The following AHRR variants were observed in gnomAD, a reference collection of about 807,000 sequenced individuals.
AHRR encodes the protein aryl hydrocarbon receptor repressor.
In AHRR, 28 loss-of-function variants were observed where a neutral mutation model predicts 44.0. That is an observed-to-expected ratio of 0.64 (90% CI 0.47 to 0.87). The LOEUF (loss-of-function observed/expected upper bound fraction) is 0.87. AHRR is among the 40% of genes least tolerant of loss of function. The pLI is 0.00. For missense variants in AHRR, 990 were observed against 953.9 expected, an observed-to-expected ratio of 1.04 and a Z score of -0.50; for synonymous variants, 434 against 407.0, an observed-to-expected ratio of 1.07 and a Z score of -0.80.
rs1277504931 is a variant in AHRR at position 398,442 on chromosome 5, T to C, written c.352-14902T>C. 5.9e-5 allele frequency among the ~76,000 whole-genome samples: 9 copies of C among 152,322 alleles called. No individual in the cohort carries two copies. The East Asian group carries it at 1.7e-3, about 29-fold the overall frequency. On this transcript the variant is annotated intron_variant, in intron 4 of 10. Transcript: ENST00000684583. ...CTGACCATCCACATAAGCCCCTGAC[T>C]GTCCAGTTAGCCTCTGACCATCTGT...
chr5:431,216 C>T (rs987306368), intron 8 of AHRR, among the ~76,000 whole-genome samples: 7 of 152,044 alleles, frequency 4.6e-5, no homozygotes, highest in Non-Finnish European at 8.8e-5. Flanking sequence ...GGTGTGGGAT[C>T]ACAAGCTCAG....
In AHRR at chr5:434,096, G is replaced by A. The variant is rs761772288; in HGVS notation, c.1356G>A (p.Pro452=). The A allele has an allele frequency of 3.4e-5, 55 of 1,612,836 alleles. No homozygotes were observed. The highest frequency in any genetic ancestry group is 1.8e-4 in the Admixed American group (11 of 59,908). Residue 452 remains proline, a synonymous_variant, in exon 11 of 11, where the codon CCG becomes CCA. Transcript: ENST00000684583. ...GTFRNSPISH[P]PSPSPSAYSS... is the part of the protein sequence containing the mutation. ...TCAGGAACTCGCCCATCTCTCACCC[G>A]CCGAGCCCGTCCCCCAGTGCCTACT...
At chr5:350,893 C>T (rs2672718) in intron 2 of AHRR, among the ~76,000 whole-genome samples, 106,627 of 151,848 alleles carry the variant, frequency 0.7, 38,004 homozygotes, top group African/African-American at 0.76. Flanking sequence ...AAAGAATCCT[C>T]ACAACTCAAA....
intron 4 of AHRR, among the ~76,000 whole-genome samples, chr5:394,951 C>G (rs1175630360): frequency 6.6e-6 from 1 of 152,240 alleles, no homozygotes; most frequent in East Asian, 1.9e-4. Flanking sequence ...GTGTCAAGCT[C>G]TTGCGTCTCC....
chr5:327,905 G>C (rs1255994708), intron 1 of AHRR, among the ~76,000 whole-genome samples: 1 of 152,042 alleles, frequency 6.6e-6, no homozygotes, highest in East Asian at 1.9e-4. Flanking sequence ...TTTAGCATTA[G>C]GTATATCTCC....
chr5:331,850 C>T (rs1253729922), intron 1 of AHRR, among the ~76,000 whole-genome samples: 1 of 152,186 alleles, frequency 6.6e-6, no homozygotes, highest in Non-Finnish European at 1.5e-5. Context: ...TGAGATGGAA[C>T]AGTTTCATCC....
At chr5:335,333 T>C (rs1742081949) in intron 1 of AHRR, among the ~76,000 whole-genome samples, 1 of 151,956 alleles carries the variant, frequency 6.6e-6, no homozygotes, top group Non-Finnish European at 1.5e-5. Context: ...GTGTTGGCAG[T>C]GGTTGCAATC....
rs572117206 is a variant in AHRR at position 387,871 on chromosome 5, C to T, written c.351+11155C>T. ...GGAGGCCAGGAGCCAAAACCAGCGC[C>T]GATGGGCTGCAAGCGAGGTGTTGGC... On this transcript the variant is annotated intron_variant, in intron 4 of 10. Transcript: ENST00000684583. This position sits in a 1 kb window ranked among gnomAD's most constrained non-coding sequence, Gnocchi z 5.1. 1.6e-4 allele frequency among the ~76,000 whole-genome samples: 25 copies of T among 152,342 alleles called. No homozygotes were observed. Among genetic ancestry groups the T allele is most frequent in the Non-Finnish European group, 2.6e-4 (18 of 68,032 alleles).
chr5:391,059 A>C (rs984955043), intron 4 of AHRR, among the ~76,000 whole-genome samples: 3 of 150,784 alleles, frequency 2.0e-5, no homozygotes, highest in Non-Finnish European at 4.4e-5. Flanking sequence ...GACAGACGGG[A>C]GAGGCCCCAG....
intron 7 of AHRR, 160 bp from the exon 8 acceptor site, chr5:427,647 C>A (rs1361322631): frequency 1.2e-6 from 2 of 1,613,222 alleles, no homozygotes; most frequent in Non-Finnish European, 1.7e-6. Flanking sequence ...GCCCGGGGGT[C>A]ACAGGCTTGG....
chr5:350,259 C>G (rs938257452), intron 2 of AHRR, among the ~76,000 whole-genome samples: 1 of 152,142 alleles, frequency 6.6e-6, no homozygotes, highest in Non-Finnish European at 1.5e-5. Context: ...GTATATCTTC[C>G]TGCGTATTTG....
chr5:432,497 C>A lies in AHRR; in HGVS notation c.943C>A (p.Leu315Met). 1 of 1,614,214 alleles carries A rather than the reference C, an allele frequency of 6.2e-7. No homozygotes were observed. The highest frequency in any genetic ancestry group is 8.5e-7 in the Non-Finnish European group (1 of 1,180,020). ...KATTSLCESELHGKPNYSAGR... is the reference protein window; with the variant it reads ...KATTSLCESEMHGKPNYSAGR... The stretch of plus-strand genomic sequence containing the variant: ...CACCACCAGTCTGTGCGAATCGGAA[C>A]TGCATGGAAAACCCAATTACTCAGC... Residue 315 changes from leucine to methionine, a missense_variant, in exon 9 of 11, where the codon CTG becomes ATG. Physicochemically the swap from Leu to Met is conservative, Grantham distance 15 (BLOSUM62 2). Coordinates refer to ENST00000684583, the MANE Select transcript of AHRR (RefSeq NM_001377236.1).
At chr5:398,514 G>A (rs968214658) in intron 4 of AHRR, among the ~76,000 whole-genome samples, 6 of 152,186 alleles carry the variant, frequency 3.9e-5, no homozygotes, top group Non-Finnish European at 8.8e-5. Context: ...GTGTTCACTC[G>A]GCCCCTGCTC....
intron 4 of AHRR, 70 bp downstream of exon 4, chr5:376,786 T>C: frequency 7.4e-7 from 1 of 1,350,270 alleles, no homozygotes; most frequent in African/African-American, 1.5e-5. Context: ...TCAGGCTCAG[T>C]CATACTCCGT....
chr5:422,172 C>T (rs1736156615), intron 5 of AHRR, among the ~76,000 whole-genome samples: 1 of 152,170 alleles, frequency 6.6e-6, no homozygotes, highest in African/African-American at 2.4e-5. Context: ...CAGTGTCAGC[C>T]TCTGTCGCCA....
intron 3 of AHRR, among the ~76,000 whole-genome samples, chr5:375,464 C>G (rs548351102): frequency 6.6e-6 from 1 of 152,330 alleles, no homozygotes; most frequent in Non-Finnish European, 1.5e-5. Flanking sequence ...GTGGGCAGAT[C>G]CGGTGAAGCA....
intron 3 of AHRR, among the ~76,000 whole-genome samples, chr5:362,985 T>C (rs1205616615): frequency 6.6e-6 from 1 of 152,250 alleles, no homozygotes; most frequent in African/African-American, 2.4e-5. Context: ...TGGTCCCTTC[T>C]AGGTAATTCA....
chr5:388,092 C>T lies in AHRR; in HGVS notation c.351+11376C>T, dbSNP rs951890226. 1.3e-5 allele frequency among the ~76,000 whole-genome samples: 2 copies of T among 152,240 alleles called. No individual in the cohort carries two copies. Among genetic ancestry groups the T allele is most frequent in the Non-Finnish European group, 2.9e-5 (2 of 68,046 alleles). On this transcript the variant is annotated intron_variant, in intron 4 of 10. Coordinates refer to ENST00000684583, the MANE Select transcript of AHRR (RefSeq NM_001377236.1). This position sits in a 1 kb window ranked among gnomAD's most constrained non-coding sequence, Gnocchi z 5.2. ...CCTCATCTCAGCTTCGTGACATCCG[C>T]CACTGTCCTATGTCCCAATACAGGA... is the stretch of plus-strand genomic sequence containing the variant.
Position 382,192 on chromosome 5 carries a change from G to T in AHRR, c.351+5476G>T, listed in dbSNP as rs547223023. On this transcript the variant is annotated intron_variant, in intron 4 of 10. Coordinates refer to ENST00000684583, the MANE Select transcript of AHRR (RefSeq NM_001377236.1). ...TAACGCTGGCTTCTTAAAATTAATT[G>T]AGGGTATTCCCTTCTCTTCTGTTTT... is the stretch of plus-strand genomic sequence containing the variant. 5.3e-5 allele frequency among the ~76,000 whole-genome samples: 8 copies of T among 152,302 alleles called. No homozygotes were observed. The South Asian group carries it at 1.7e-3, about 32-fold the overall frequency.
Sources: gnomAD v4.1 joint callset for allele counts (sites outside exome capture counted in the v4.1 genomes callset) on GRCh38, gnomAD v4.1.1 for gene constraint, Gnocchi (gnomAD v3.1) non-coding constraint, MANE v1.5 for transcripts, NCBI Gene and HGNC (gene_info 2026-07-23, HGNC 2026-07-21) for gene names.